Variants in TCEANC2 observed in about 807,000 individuals in gnomAD.
TCEANC2 encodes the protein transcription elongation factor A N-terminal and central domain-containing protein 2.
Under a neutral mutation model 22.8 loss-of-function variants are expected in TCEANC2, and 20 were observed. That is an observed-to-expected ratio of 0.88 (90% CI 0.62 to 1.28). The LOEUF is 1.28. Ranked by LOEUF, TCEANC2 falls within the 50% of genes most tolerant of loss-of-function variation. TCEANC2 has a pLI of 0.00. For synonymous variants in TCEANC2, 84 were observed against 95.5 expected, an observed-to-expected ratio of 0.88 and a Z score of 0.70; for missense variants, 251 against 249.7, an observed-to-expected ratio of 1.01 and a Z score of -0.03.
At chr1:54,089,312 G>A (rs1003089874) in intron 4 of TCEANC2, among the ~76,000 whole-genome samples, 1 of 152,108 alleles carries the variant, frequency 6.6e-6, no homozygotes, top group Admixed American at 6.6e-5. Context: ...AATATCAATG[G>A]TAAAATAAAT....
At position 54,099,896 on chromosome 1, in the gene TCEANC2, A is replaced by G. The variant is rs1272342245; in HGVS notation, c.*3423A>G. On this transcript the variant is annotated 3_prime_UTR_variant, in exon 5 of 5. Transcript: ENST00000234827. Reference sequence around the variant, plus strand: ...GGGGAAATGTGGGAAAGTAAATACCATTTGTGTCTGCTCTAATAGCTTATT... The same window carrying G: ...GGGGAAATGTGGGAAAGTAAATACCGTTTGTGTCTGCTCTAATAGCTTATT... 6.6e-6 allele frequency: 1 copy of G among 152,222 alleles called. No individual in the cohort carries two copies. The highest frequency in any genetic ancestry group is 1.9e-4 in the East Asian group (1 of 5,188). The allele number at this position is 152,222 out of a possible 1,614,324, so 9.4% of individuals were successfully genotyped here.
chr1:54,085,998 T>A (rs989571599), intron 3 of TCEANC2, among the ~76,000 whole-genome samples: 6 of 152,190 alleles, frequency 3.9e-5, no homozygotes, highest in African/African-American at 1.4e-4. Context: ...CATCGCAAAG[T>A]GTTGAGATTA....
intron 1 of TCEANC2, chr1:54,054,169 C>G (rs1657691289): frequency 8.0e-7 from 1 of 1,245,974 alleles, no homozygotes; most frequent in Non-Finnish European, 1.1e-6. Context: ...AAGCTAGGAA[C>G]CTCCTAACTC....
Position 54,097,076 on chromosome 1 carries a change from A to G in TCEANC2, c.*603A>G. ...CCAGAGCCCCCATGCTGAGGCTACT[A>G]ATGAGGAACTGGCCCGAAGCCTCCC... On this transcript the variant is annotated 3_prime_UTR_variant, in exon 5 of 5. Transcript: ENST00000234827. 1.2e-6 allele frequency: 1 copy of G among 810,594 alleles called. No individual in the cohort carries two copies. The highest frequency in any genetic ancestry group is 1.5e-6 in the Non-Finnish European group (1 of 670,032). 50.2% of individuals were successfully genotyped at this position (810,594 alleles called of 1,614,324 possible). A position where few individuals can be genotyped will look rare whatever the true frequency, so the allele number is the denominator to read the frequency against.
chr1:54,094,389 C>A (rs1482178227), intron 4 of TCEANC2, among the ~76,000 whole-genome samples: 1 of 152,084 alleles, frequency 6.6e-6, no homozygotes, highest in Non-Finnish European at 1.5e-5. Flanking sequence ...GCTTTTTGCA[C>A]AGAAGAACAA....
At chr1:54,109,959 G>A (rs1325417622), downstream of TCEANC2, among the ~76,000 whole-genome samples, 3 of 152,206 alleles carry the variant, frequency 2.0e-5, no homozygotes, top group African/African-American at 7.2e-5. Flanking sequence ...AGCTCATAAG[G>A]GAGAAGCATC....
intron 2 of TCEANC2, among the ~76,000 whole-genome samples, chr1:54,066,533 T>C (rs1036859580): frequency 6.6e-6 from 1 of 152,082 alleles, no homozygotes; most frequent in African/African-American, 2.4e-5. Context: ...TAGACAGGAG[T>C]TCATTGAAAC....
rs1395442283 is a variant in TCEANC2 at position 54,102,361 on chromosome 1, AG to A, written c.*5891del. 2 of 152,258 alleles carry A rather than the reference AG, an allele frequency of 1.3e-5. No individual in the cohort carries two copies. The highest frequency in any genetic ancestry group is 2.9e-5 in the Non-Finnish European group (2 of 68,074). 9.4% of individuals were successfully genotyped at this position (152,258 alleles called of 1,614,324 possible). On this transcript the variant is annotated 3_prime_UTR_variant, in exon 5 of 5. Transcript: ENST00000234827. Reference sequence around the variant, plus strand: ...ATGTAGACACCTGGGGTTCTGGAGCAGGGCCATGCCATCTGTAGCCAAGAAT... The same window carrying A: ...ATGTAGACACCTGGGGTTCTGGAGCAGGCCATGCCATCTGTAGCCAAGAAT...
intron 2 of TCEANC2, among the ~76,000 whole-genome samples, chr1:54,068,398 G>A (rs543280641): frequency 2.6e-5 from 4 of 152,300 alleles, no homozygotes; most frequent in East Asian, 1.9e-4. Flanking sequence ...TTCCCTGCTC[G>A]CTGTTCTTGC....
At chr1:54,071,134 A>G (rs962595361) in intron 3 of TCEANC2, among the ~76,000 whole-genome samples, 1 of 152,220 alleles carries the variant, frequency 6.6e-6, no homozygotes, top group Non-Finnish European at 1.5e-5. Context: ...CTGGAGAGAC[A>G]TTCTGGACCA....
In TCEANC2 at chr1:54,068,838, C is replaced by T. The variant is rs772759970; in HGVS notation, c.185C>T (p.Ala62Val). The change falls in exon 3 of 5, where the codon GCC (alanine) becomes GTC (valine). Residue 62 changes from alanine to valine, a missense_variant. Coordinates refer to ENST00000234827, the MANE Select transcript of TCEANC2 (RefSeq NM_153035.3). ...CAAACCAAAGAGAATCTTGTTGAAG[C>T]CTTACAAGAATTAAAGAAGAAAATA... ...PDQTKENLVE[A>V]LQELKKKIPS... 2.9e-5 allele frequency: 47 copies of T among 1,611,108 alleles called. No homozygotes were observed. Among genetic ancestry groups the T allele is most frequent in the Non-Finnish European group, 4.0e-5 (47 of 1,178,980 alleles).
intron 3 of TCEANC2, among the ~76,000 whole-genome samples, chr1:54,085,670 A>G (rs1469001936): frequency 6.6e-6 from 1 of 152,140 alleles, no homozygotes; most frequent in East Asian, 1.9e-4. Context: ...ATTTGGTTGT[A>G]ATCTAATAAA....
chr1:54,056,450 C>T (rs1241030061), intron 2 of TCEANC2, among the ~76,000 whole-genome samples: 2 of 151,950 alleles, frequency 1.3e-5, no homozygotes, highest in African/African-American at 2.4e-5. Flanking sequence ...CTCAGCCTCC[C>T]GAGTGGTGGG....
rs143449644 is a variant in TCEANC2, at chr1:54,064,345, C to T, written c.103-4411C>T. On this transcript the variant is annotated intron_variant, in intron 2 of 4. Coordinates refer to ENST00000234827, the MANE Select transcript of TCEANC2 (RefSeq NM_153035.3). ...ATGCGTAAAGCAACAAATGGAGCAA[C>T]GAAAGCATAGATTTACTGAAGTAAG... Among the ~76,000 whole-genome samples, 34 of 152,242 alleles carry T rather than the reference C, an allele frequency of 2.2e-4. No individual in the cohort carries two copies. The East Asian group carries it at 2.3e-3, about 10-fold the overall frequency.
chr1:54,071,327 C>T (rs1376894481), intron 3 of TCEANC2, among the ~76,000 whole-genome samples: 1 of 152,116 alleles, frequency 6.6e-6, no homozygotes, highest in African/African-American at 2.4e-5. Context: ...AGCACAGGGT[C>T]TCTTATGAGG....
chr1:54,078,352 A>G (rs1333677385), intron 3 of TCEANC2, among the ~76,000 whole-genome samples: 1 of 152,194 alleles, frequency 6.6e-6, no homozygotes, highest in Non-Finnish European at 1.5e-5. Context: ...AGTTAGCACC[A>G]GAGATGTAAT....
chr1:54,097,732 C>G lies in TCEANC2; in HGVS notation c.*1259C>G, dbSNP rs1658584769. On this transcript the variant is annotated 3_prime_UTR_variant, in exon 5 of 5. Transcript: ENST00000234827. ...TAGATTTATTCGTTTATTTAGCAAC[C>G]ATTTCCTGAGCATCCATTCTGTGGG... 1.3e-5 allele frequency: 2 copies of G among 152,110 alleles called. No homozygotes were observed. Among genetic ancestry groups the G allele is most frequent in the Non-Finnish European group, 2.9e-5 (2 of 68,018 alleles). 9.4% of individuals were successfully genotyped at this position (152,110 alleles called of 1,614,324 possible).
Position 54,088,701 on chromosome 1 carries a change from A to G in TCEANC2, c.349A>G (p.Arg117Gly), listed in dbSNP as rs1658384855. Residue 117 changes from arginine to glycine, a missense_variant, in exon 4 of 5, where the codon AGA (arginine) becomes GGA (glycine). By Grantham distance (125) the Arg-to-Gly change is moderately radical (BLOSUM62 -2). Transcript: ENST00000234827. Reference protein sequence around the residue: ...WKTFTEKHSNRPSIEVRSDPK... With the variant: ...WKTFTEKHSNGPSIEVRSDPK... Reference sequence around the variant, plus strand: ...AACTTTCACTGAAAAACATTCAAATAGACCTTCTATTGAAGTTAGAAGTGA... The same window carrying G: ...AACTTTCACTGAAAAACATTCAAATGGACCTTCTATTGAAGTTAGAAGTGA... The G allele has an allele frequency of 2.5e-6, 4 of 1,611,418 alleles. No homozygotes were observed. The African/African-American group carries it at 5.4e-5, about 22-fold the overall frequency.
downstream of TCEANC2, among the ~76,000 whole-genome samples, chr1:54,107,601 T>A (rs1288348426): frequency 2.0e-5 from 3 of 152,320 alleles, no homozygotes; most frequent in East Asian, 5.8e-4. Flanking sequence ...GTCCCTTCTC[T>A]GCCATTTAAT....
Sources: gnomAD v4.1 joint callset for allele counts (sites outside exome capture counted in the v4.1 genomes callset) on GRCh38, gnomAD v4.1.1 for gene constraint, MANE v1.5 for transcripts, NCBI Gene and HGNC (gene_info 2026-07-23, HGNC 2026-07-21) for gene names.